Variants in HCN1 observed in about 807,000 individuals in gnomAD.
The protein encoded by HCN1 is hyperpolarization activated cyclic nucleotide gated potassium channel 1.
HCN1 carries 13 observed loss-of-function variants against 78.9 expected under a neutral mutation model. The ratio of observed to expected loss-of-function variants is 0.16; its 90% CI spans 0.11 to 0.26. HCN1 has a LOEUF of 0.26. HCN1 is among the 10% of genes least tolerant of loss of function. The pLI, the probability that HCN1 is intolerant of heterozygous loss-of-function variation, is 1.00. For synonymous variants in HCN1, 552 were observed against 455.5 expected (o/e 1.21, Z -2.70); for missense variants, 810 against 1,154.3 (o/e 0.70, Z 4.32).
chr5:45,257,252 T>C lies in HCN1; in HGVS notation c.*4669A>G, dbSNP rs1306302546. ...GATGTTAAAAGCCTTTCAGAAGGTT[T>C]TTGAAATCCCTATTTCCCACTTGAT... On this transcript the variant is annotated 3_prime_UTR_variant, in exon 8 of 8. Transcript: ENST00000303230. 6.6e-6 allele frequency: 1 copy of C among 152,234 alleles called. No individual in the cohort carries two copies. The highest frequency in any genetic ancestry group is 1.5e-5 in the Non-Finnish European group (1 of 68,058). 9.4% of individuals were successfully genotyped at this position (152,234 alleles called of 1,614,324 possible). A position where few individuals can be genotyped will look rare whatever the true frequency, so the allele number is the denominator to read the frequency against.
At chr5:45,682,478 G>T (rs1580048568) in intron 1 of HCN1, among the ~76,000 whole-genome samples, 1 of 151,596 alleles carries the variant, frequency 6.6e-6, no homozygotes. Flanking sequence ...GGCACATAGG[G>T]AAAAAGGTTG....
chr5:45,595,167 A>G (rs1427879447), intron 2 of HCN1, among the ~76,000 whole-genome samples: 1 of 152,212 alleles, frequency 6.6e-6, no homozygotes, highest in African/African-American at 2.4e-5. Flanking sequence ...TCTAAAAGCT[A>G]AAAGCCTGAA....
chr5:45,615,251 G>T (rs1313417473), intron 2 of HCN1, among the ~76,000 whole-genome samples: 1 of 151,934 alleles, frequency 6.6e-6, no homozygotes, highest in Non-Finnish European at 1.5e-5. Flanking sequence ...ATAATTCTAG[G>T]CATCTCAATA....
chr5:45,550,486 G>T (rs373865494), intron 2 of HCN1, among the ~76,000 whole-genome samples: 12 of 152,088 alleles, frequency 7.9e-5, no homozygotes, highest in Non-Finnish European at 1.5e-4. Flanking sequence ...TCACACACCG[G>T]TGCCTATTGT....
intron 3 of HCN1, among the ~76,000 whole-genome samples, chr5:45,433,772 A>G (rs2112079601): frequency 6.6e-6 from 1 of 152,242 alleles, no homozygotes; most frequent in Admixed American, 6.5e-5. Flanking sequence ...AGATAATTTT[A>G]TTTCCTGAGG....
rs555400826 is a variant in HCN1, at chr5:45,286,353, A to C, written c.1618+17246T>G. 3.9e-5 allele frequency among the ~76,000 whole-genome samples: 6 copies of C among 152,128 alleles called. No individual in the cohort carries two copies. The South Asian group carries it at 1.2e-3, about 32-fold the overall frequency. On this transcript the variant is annotated intron_variant, in intron 6 of 7. Coordinates refer to ENST00000303230, the MANE Select transcript of HCN1 (RefSeq NM_021072.4). The stretch of plus-strand genomic sequence containing the variant: ...AAGAAGTACTAGACCAAAAATTTCC[A>C]GTTTCTTGAGGCTGGAAGCATTGGA...
At chr5:45,369,591 G>A (rs534544896) in intron 4 of HCN1, among the ~76,000 whole-genome samples, 48 of 152,064 alleles carry the variant, frequency 3.2e-4, no homozygotes, top group African/African-American at 1.0e-3. Context: ...AGATATATTC[G>A]CATCTGCCTG....
Position 45,313,694 on chromosome 5 carries a change from C to T in HCN1, c.1378-9855G>A, listed in dbSNP as rs1579802145. 2.0e-5 allele frequency among the ~76,000 whole-genome samples: 3 copies of T among 152,284 alleles called. No homozygotes were observed. The South Asian group carries it at 6.2e-4, about 32-fold the overall frequency. On this transcript the variant is annotated intron_variant, in intron 5 of 7. Transcript: ENST00000303230. ...TAAATGACCTGATGGAGCTGAAAAC[C>T]ATGGCACGAGAACTAAGGGACGAAT...
At chr5:45,335,956 A>G (rs1014496193) in intron 5 of HCN1, among the ~76,000 whole-genome samples, 1 of 152,064 alleles carries the variant, frequency 6.6e-6, no homozygotes, top group African/African-American at 2.4e-5. Flanking sequence ...GCCCCTCAGT[A>G]GTAGGTTCTC....
rs955038030 is a variant in HCN1, at chr5:45,426,946, G to C, written c.1012-30236C>G. On this transcript the variant is annotated intron_variant, in intron 3 of 7. Coordinates refer to ENST00000303230, the MANE Select transcript of HCN1 (RefSeq NM_021072.4). Reference sequence around the variant, plus strand: ...TGTCACATGAAAGGTATACTCAACAGTCTTGCAATGTTTTATACTATATGG... The same window carrying C: ...TGTCACATGAAAGGTATACTCAACACTCTTGCAATGTTTTATACTATATGG... Among the ~76,000 whole-genome samples the C allele has an allele frequency of 8.6e-5, 13 of 152,008 alleles. No individual in the cohort carries two copies. In the South Asian group the frequency reaches 1.0e-3, roughly 12 times the overall value.
chr5:45,643,366 A>G (rs1209108262), intron 2 of HCN1: 1 of 152,158 alleles, frequency 6.6e-6, no homozygotes, highest in Admixed American at 6.6e-5. Flanking sequence ...TGTTTATATC[A>G]GTGACTTTCC....
chr5:45,276,284 T>C (rs992396018), intron 6 of HCN1, among the ~76,000 whole-genome samples: 2 of 152,090 alleles, frequency 1.3e-5, no homozygotes, highest in Admixed American at 6.6e-5. Context: ...ATTTGTTTAA[T>C]GCAAAAATTC....
intron 2 of HCN1, among the ~76,000 whole-genome samples, chr5:45,479,103 G>C (rs1250550354): frequency 6.6e-6 from 1 of 151,504 alleles, no homozygotes. Flanking sequence ...CTCCAGCCTG[G>C]GCTACAGAGC....
intron 2 of HCN1, among the ~76,000 whole-genome samples, chr5:45,540,711 C>G (rs7700252): frequency 0.27 from 40,543 of 151,874 alleles, 5,515 homozygotes; most frequent in East Asian, 0.32. Flanking sequence ...AGCACATTTC[C>G]TTTATTGTTT....
intron 1 of HCN1, among the ~76,000 whole-genome samples, chr5:45,647,982 C>T (rs1056203426): frequency 6.6e-6 from 1 of 152,094 alleles, no homozygotes; most frequent in African/African-American, 2.4e-5. Flanking sequence ...AAATACAAGC[C>T]AATTAAATGA....
intron 5 of HCN1, among the ~76,000 whole-genome samples, chr5:45,305,506 T>G (rs1745711445): frequency 1.3e-5 from 2 of 152,158 alleles, no homozygotes; most frequent in South Asian, 4.1e-4. Flanking sequence ...GGTGCATCAT[T>G]ATTCAAATCA....
chr5:45,605,032 CAG>C (rs1294433131), intron 2 of HCN1, among the ~76,000 whole-genome samples: 4 of 151,934 alleles, frequency 2.6e-5, no homozygotes, highest in African/African-American at 9.7e-5. Flanking sequence ...ATTAACATTG[CAG>C]ATTTTATACA....
intron 4 of HCN1, among the ~76,000 whole-genome samples, chr5:45,385,113 T>A (rs1380453888): frequency 6.6e-6 from 1 of 152,190 alleles, no homozygotes; most frequent in Non-Finnish European, 1.5e-5. Flanking sequence ...GTTAGTCCTG[T>A]GCACACTCAG....
In HCN1 at chr5:45,359,404, C is replaced by CAA. The variant is rs71000628; in HGVS notation, c.1231-6160_1231-6159dup. Among the ~76,000 whole-genome samples the CAA allele has an allele frequency of 1.7e-3, 248 of 143,144 alleles. 1 individual carries two copies. Among genetic ancestry groups the CAA allele is most frequent in the African/African-American group, 5.9e-3 (229 of 38,560 alleles). 93.9% of individuals were successfully genotyped at this position (143,144 alleles called of 152,430 possible). On this transcript the variant is annotated intron_variant, in intron 4 of 7. Coordinates refer to ENST00000303230, the MANE Select transcript of HCN1 (RefSeq NM_021072.4). ...TTAACTTTTTACTTTCAGGAAGCAT[C>CAA]AAAAAAAAAAAAATATATATATATA...
Sources: gnomAD v4.1 joint callset for allele counts (sites outside exome capture counted in the v4.1 genomes callset) on GRCh38, gnomAD v4.1.1 for gene constraint, MANE v1.5 for transcripts, NCBI Gene and HGNC (gene_info 2026-07-23, HGNC 2026-07-21) for gene names.